PCSK5: variants seen among roughly 807,000 people sequenced by gnomAD.
The protein encoded by PCSK5 is prohormone convertase 5.
In PCSK5, 129 loss-of-function variants were observed where a neutral mutation model predicts 233.2. The observed-to-expected ratio is 0.55, with a 90% confidence interval of 0.48 to 0.64. The LOEUF (loss-of-function observed/expected upper bound fraction) is 0.64. Among genes scored for constraint, PCSK5 ranks in the 30% least tolerant of loss-of-function variants. PCSK5 has a pLI of 0.00. For missense variants in PCSK5, 2,076 were observed against 2,430.1 expected, an observed-to-expected ratio of 0.85 and a Z score of 3.06; for synonymous variants, 825 against 879.2, an observed-to-expected ratio of 0.94 and a Z score of 1.09.
Position 76,184,637 on chromosome 9 carries a change from A to G in PCSK5, c.2198-36A>G, listed in dbSNP as rs1351812109. The G allele has an allele frequency of 3.6e-6, 5 of 1,380,558 alleles. No individual in the cohort carries two copies. The Admixed American group carries it at 5.1e-5, about 14-fold the overall frequency. 85.5% of individuals were successfully genotyped at this position (1,380,558 alleles called of 1,614,324 possible). A position where few individuals can be genotyped will look rare whatever the true frequency, so the allele number is the denominator to read the frequency against. ...CTGATGCTTTTATGGAATCCAATTG[A>G]CCAACTGATTTACAACTTTCTCTTT... is the stretch of plus-strand genomic sequence containing the variant. On this transcript the variant is annotated intron_variant, in intron 16 of 37. Transcript: ENST00000674117.
intron 3 of PCSK5, among the ~76,000 whole-genome samples, chr9:76,001,304 C>T (rs189200205): frequency 6.6e-6 from 1 of 152,078 alleles, no homozygotes; most frequent in African/African-American, 2.4e-5. Context: ...GTCATGTGGT[C>T]AAGTTATTTG....
Position 75,998,831 on chromosome 9 carries a change from C to T in PCSK5, c.411+12586C>T, listed in dbSNP as rs1827136588. Among the ~76,000 whole-genome samples, 3 of 152,280 alleles carry T rather than the reference C, an allele frequency of 2.0e-5. No individual in the cohort carries two copies. In the South Asian group the frequency reaches 6.2e-4, roughly 32 times the overall value. ...ACTCTGATTGTCTTAAAACAAATAGCATACCTCATTCATCACCGAATAGCC... is the reference window on the plus strand; with the variant it reads ...ACTCTGATTGTCTTAAAACAAATAGTATACCTCATTCATCACCGAATAGCC... On this transcript the variant is annotated intron_variant, in intron 3 of 37. Transcript: ENST00000674117.
chr9:76,231,708 A>G (rs747543126), intron 21 of PCSK5, among the ~76,000 whole-genome samples: 30 of 152,268 alleles, frequency 2.0e-4, no homozygotes, highest in Admixed American at 8.5e-4. Flanking sequence ...TGGGGCTGGG[A>G]TATTCCCCTT....
chr9:76,314,696 G>T (rs1295188507), intron 30 of PCSK5, among the ~76,000 whole-genome samples: 8 of 152,114 alleles, frequency 5.3e-5, no homozygotes, highest in African/African-American at 1.9e-4. Context: ...GAGTGCAATG[G>T]CGCGATCTCG....
At chr9:76,245,567 G>A (rs1287292165) in intron 24 of PCSK5, among the ~76,000 whole-genome samples, 2 of 152,036 alleles carry the variant, frequency 1.3e-5, no homozygotes, top group African/African-American at 4.8e-5. Context: ...TTGGACAATA[G>A]CAGGAAAAAA....
At chr9:75,895,955 A>T (rs1825784241) in intron 1 of PCSK5, among the ~76,000 whole-genome samples, 1 of 152,068 alleles carries the variant, frequency 6.6e-6, no homozygotes, top group East Asian at 1.9e-4. Context: ...GAAATAGGGG[A>T]TGTGGTTAGT....
At chr9:76,249,972 T>C (rs1826748582) in intron 24 of PCSK5, among the ~76,000 whole-genome samples, 1 of 152,174 alleles carries the variant, frequency 6.6e-6, no homozygotes, top group Non-Finnish European at 1.5e-5. Flanking sequence ...AAATCTTTCA[T>C]GCAAAAGAAT....
rs1387470758 is a variant in PCSK5 at position 76,062,300 on chromosome 9, T to A, written c.633-5655T>A. On this transcript the variant is annotated intron_variant, in intron 5 of 37. Transcript: ENST00000674117. ...CAACCCAAAATTGATCTAAATAAGA[T>A]TGTATGTTCCAAATATCAAATTTGG... is the stretch of plus-strand genomic sequence containing the variant. 2.0e-5 allele frequency among the ~76,000 whole-genome samples: 3 copies of A among 152,100 alleles called. No homozygotes were observed. In the East Asian group the frequency reaches 5.8e-4, roughly 29 times the overall value.
At chr9:76,000,893 C>T (rs189610873) in intron 3 of PCSK5, among the ~76,000 whole-genome samples, 358 of 151,636 alleles carry the variant, frequency 2.4e-3, no homozygotes, top group Admixed American at 3.9e-3. Flanking sequence ...CTGGAATCAA[C>T]CTTTTCTCTG....
chr9:76,259,195 T>C (rs1827081922), intron 24 of PCSK5, among the ~76,000 whole-genome samples: 3 of 152,182 alleles, frequency 2.0e-5, no homozygotes, highest in African/African-American at 7.2e-5. Context: ...TTAACTTTAG[T>C]CTCCTGCACA....
At chr9:76,123,225 C>G (rs1832717133) in intron 9 of PCSK5, among the ~76,000 whole-genome samples, 1 of 152,120 alleles carries the variant, frequency 6.6e-6, no homozygotes, top group South Asian at 2.1e-4. Flanking sequence ...TTAGATAGCA[C>G]TTTGTCAACA....
chr9:75,952,836 T>C (rs1001338279), intron 2 of PCSK5, among the ~76,000 whole-genome samples: 8 of 152,238 alleles, frequency 5.3e-5, no homozygotes, highest in African/African-American at 1.7e-4. Flanking sequence ...ATTACATGGA[T>C]GTATCATGGC....
chr9:76,072,921 G>A (rs936418317), intron 7 of PCSK5, among the ~76,000 whole-genome samples: 11 of 152,138 alleles, frequency 7.2e-5, no homozygotes, highest in East Asian at 3.8e-4. Flanking sequence ...TCTTACTAGC[G>A]TTACATAGAG....
intron 20 of PCSK5, among the ~76,000 whole-genome samples, chr9:76,208,778 G>A (rs990560): frequency 0.6 from 91,653 of 152,046 alleles, 27,797 homozygotes; most frequent in Admixed American, 0.7. Context: ...TTGCTCATGC[G>A]GTATTTTTTT....
At chr9:75,931,393 T>G (rs1320632924) in intron 1 of PCSK5, among the ~76,000 whole-genome samples, 1 of 152,018 alleles carries the variant, frequency 6.6e-6, no homozygotes, top group Non-Finnish European at 1.5e-5. Flanking sequence ...CTAAAGCATG[T>G]GAGTGTCAAA....
intron 2 of PCSK5, among the ~76,000 whole-genome samples, chr9:75,978,583 G>T (rs1461940920): frequency 1.3e-5 from 2 of 152,318 alleles, no homozygotes; most frequent in Admixed American, 1.3e-4. Flanking sequence ...GGCACAGAGG[G>T]AATCATGCTG....
intron 24 of PCSK5, among the ~76,000 whole-genome samples, chr9:76,268,624 G>T (rs544636667): frequency 1.1e-4 from 17 of 152,096 alleles, no homozygotes; most frequent in Non-Finnish European, 2.2e-4. Context: ...TGGACAGATC[G>T]CTTGAGCCCA....
At chr9:75,918,242 C>T (rs1823091161) in intron 1 of PCSK5, among the ~76,000 whole-genome samples, 2 of 152,224 alleles carry the variant, frequency 1.3e-5, no homozygotes, top group Non-Finnish European at 2.9e-5. Flanking sequence ...TTCATCTTGA[C>T]TGCACAGGTC....
chr9:75,890,182 T>C (rs1034603391), upstream of PCSK5, among the ~76,000 whole-genome samples: 2 of 152,208 alleles, frequency 1.3e-5, no homozygotes, highest in African/African-American at 4.8e-5. Flanking sequence ...GTGTGGTAGC[T>C]TCTCCCGGGA....
Sources: allele counts gnomAD v4.1 joint callset (sites outside exome capture counted in the v4.1 genomes callset), GRCh38; gene constraint gnomAD v4.1.1; transcripts MANE v1.5; gene names NCBI Gene and HGNC (gene_info 2026-07-23, HGNC 2026-07-21).